Variants in PLCH1 observed in about 807,000 individuals in gnomAD.
The protein encoded by PLCH1 is phospholipase C eta 1.
PLCH1 carries 60 observed loss-of-function variants against 126.7 expected under a neutral mutation model. The observed-to-expected ratio is 0.47, with a 90% CI of 0.38 to 0.59. The LOEUF (loss-of-function observed/expected upper bound fraction) is 0.59. Among genes scored for constraint, PLCH1 ranks in the 20% least tolerant of loss-of-function variants. The pLI is 0.00. For synonymous variants in PLCH1, 719 were observed against 734.9 expected, an observed-to-expected ratio of 0.98 and a Z score of 0.35; for missense variants, 1,723 against 2,040.0, an observed-to-expected ratio of 0.84 and a Z score of 2.99.
In PLCH1 at chr3:155,485,490, C is replaced by A; in HGVS notation, c.2840G>T (p.Gly947Val). 1.9e-6 allele frequency: 3 copies of A among 1,614,180 alleles called. No homozygotes were observed. Among genetic ancestry groups the A allele is most frequent in the Non-Finnish European group, 2.5e-6 (3 of 1,180,018 alleles). Residue 947 changes from glycine to valine, a missense_variant, in exon 22 of 23, where the codon GGC becomes GTC. Physicochemically the swap from Gly to Val is moderately radical, Grantham distance 109 (BLOSUM62 -3). Around this residue, in one of 2 missense-constraint regions of PLCH1, gnomAD observed 947 missense variants for 977.1 expected, o/e 0.97. Transcript: ENST00000460012. The part of the protein sequence containing the change: ...SVSEATRDQD[G>V]VLRRTTRSLQ... ...ACTGCGTGTGGTCCTCCTCAGCACG[C>A]CATCTTGATCTCTTGTGGCCTCGGA...
At chr3:155,471,135 T>C (rs1389108131) in intron 21 of PLCH1, among the ~76,000 whole-genome samples, 1 of 152,086 alleles carries the variant, frequency 6.6e-6, no homozygotes, top group Admixed American at 6.5e-5. Flanking sequence ...GACTGGCAAA[T>C]TGGATAAACA....
chr3:155,617,131 G>A lies in PLCH1; in HGVS notation c.80-20753C>T, dbSNP rs144787862. On this transcript the variant is annotated intron_variant, in intron 2 of 22. Coordinates refer to ENST00000460012, the MANE Select transcript of PLCH1 (RefSeq NM_014996.4). ...TATCAGTAATAATTATTATCATTAT[G>A]TGCCACTGGCATAACCAAATTTACT... Among the ~76,000 whole-genome samples, 638 of 152,074 alleles carry A rather than the reference G, an allele frequency of 4.2e-3. 1 individual carries two copies. Among genetic ancestry groups the A allele is most frequent in the Admixed American group, 7.1e-3 (108 of 15,276 alleles).
intron 8 of PLCH1, among the ~76,000 whole-genome samples, chr3:155,561,164 G>A (rs1436900192): frequency 1.3e-5 from 2 of 150,124 alleles, no homozygotes; most frequent in African/African-American, 4.9e-5. Context: ...TAAGTTTTAG[G>A]GTACATGTGC....
downstream of PLCH1, among the ~76,000 whole-genome samples, chr3:155,476,455 C>T (rs1011988890): frequency 6.6e-6 from 1 of 151,816 alleles, no homozygotes; most frequent in Non-Finnish European, 1.5e-5. Flanking sequence ...AGCAATCAGA[C>T]AAGAGAAAGA....
chr3:155,568,413 T>G, intron 6 of PLCH1, 89 bp from the exon 7 acceptor site: 1 of 624,996 alleles, frequency 1.6e-6, no homozygotes, highest in East Asian at 2.9e-5. Context: ...TTTTGCATTC[T>G]TCACACCGTA....
intron 2 of PLCH1, among the ~76,000 whole-genome samples, chr3:155,682,205 A>C (rs576794274): frequency 3.9e-5 from 6 of 152,340 alleles, no homozygotes; most frequent in South Asian, 2.1e-4. Context: ...GTCAATGCAA[A>C]CTTTGAGTTA....
Position 155,664,497 on chromosome 3 carries a change from C to T in PLCH1, c.79+39649G>A, listed in dbSNP as rs562058623. On this transcript the variant is annotated intron_variant, in intron 2 of 22. Transcript: ENST00000460012. ...TTTTAGGCTGTGTGGTCCATACAGC[C>T]TCTGTGGCAATCACTTTTGCATGCA... is the stretch of plus-strand genomic sequence containing the variant. Among the ~76,000 whole-genome samples, 10 of 152,294 alleles carry T rather than the reference C, an allele frequency of 6.6e-5. No individual in the cohort carries two copies. In the South Asian group the frequency reaches 2.1e-3, roughly 32 times the overall value.
chr3:155,566,261 A>G (rs1728455805), intron 7 of PLCH1, among the ~76,000 whole-genome samples: 1 of 58,778 alleles, frequency 1.7e-5, no homozygotes, highest in African/African-American at 4.5e-5. Context: ...GTATATATAC[A>G]CATATATATA....
At chr3:155,674,367 T>G (rs1444625966) in intron 2 of PLCH1, among the ~76,000 whole-genome samples, 1 of 152,198 alleles carries the variant, frequency 6.6e-6, no homozygotes, top group Non-Finnish European at 1.5e-5. Context: ...CTCCAGTCAA[T>G]TGAAGCCACT....
At chr3:155,732,519 GAAA>G (rs765151340) in intron 1 of PLCH1, among the ~76,000 whole-genome samples, 1 of 132,056 alleles carries the variant, frequency 7.6e-6, no homozygotes, top group African/African-American at 2.8e-5. Flanking sequence ...ACCCAGTCTG[GAAA>G]AAAAAAAAAA....
chr3:155,464,855 A>C (rs1712869225), intron 21 of PLCH1, among the ~76,000 whole-genome samples: 1 of 152,200 alleles, frequency 6.6e-6, no homozygotes, highest in Admixed American at 6.5e-5. Context: ...TCATGCCTAT[A>C]ATCCCAGCAC....
intron 21 of PLCH1, among the ~76,000 whole-genome samples, chr3:155,470,754 A>C (rs2107982499): frequency 6.6e-6 from 1 of 152,160 alleles, no homozygotes; most frequent in East Asian, 1.9e-4. Flanking sequence ...AAGCCAGAAG[A>C]GAGTGGGGGC....
intron 10 of PLCH1, among the ~76,000 whole-genome samples, chr3:155,533,666 C>T (rs2108346486): frequency 6.6e-6 from 1 of 152,352 alleles, no homozygotes; most frequent in South Asian, 2.1e-4. Context: ...GGGAAAATGT[C>T]TACAGGACAT....
At chr3:155,703,535 GA>G (rs1221258989) in intron 2 of PLCH1, among the ~76,000 whole-genome samples, 2 of 152,212 alleles carry the variant, frequency 1.3e-5, no homozygotes. Flanking sequence ...AGTTTGCCAT[GA>G]AAATGACTAA....
At chr3:155,595,714 A>G (rs1732894820) in intron 3 of PLCH1, among the ~76,000 whole-genome samples, 1 of 150,142 alleles carries the variant, frequency 6.7e-6, no homozygotes, top group Non-Finnish European at 1.5e-5. Context: ...ACATCTATGT[A>G]TCTATCTATC....
chr3:155,594,198 G>T lies in PLCH1; in HGVS notation c.227-14C>A, dbSNP rs1176125806. The T allele has an allele frequency of 1.2e-6, 2 of 1,610,724 alleles. No homozygotes were observed. Among genetic ancestry groups the T allele is most frequent in the South Asian group, 1.1e-5 (1 of 90,862 alleles). ...AATCAATAAGTACTGTGAGGAAAAT[G>T]AGATACACACAGTTATACAGCAGGC... is the stretch of plus-strand genomic sequence containing the variant. On this transcript the variant is annotated splice_polypyrimidine_tract_variant and intron_variant, in intron 3 of 22. Transcript: ENST00000460012.
At chr3:155,695,839 G>A (rs533053695) in intron 2 of PLCH1, among the ~76,000 whole-genome samples, 1 of 152,324 alleles carries the variant, frequency 6.6e-6, no homozygotes, top group Admixed American at 6.5e-5. Flanking sequence ...GTTCGAAGTT[G>A]GCTAAGTGAA....
intron 2 of PLCH1, among the ~76,000 whole-genome samples, chr3:155,600,862 TA>T (rs1261269705): frequency 6.6e-6 from 1 of 152,250 alleles, no homozygotes; most frequent in East Asian, 1.9e-4. Flanking sequence ...CATAAATATT[TA>T]AAGAGCAGAA....
Position 155,604,989 on chromosome 3 carries a change from C to T in PLCH1, c.80-8611G>A, listed in dbSNP as rs181490460. Among the ~76,000 whole-genome samples, 456 of 152,284 alleles carry T rather than the reference C, an allele frequency of 3.0e-3. 2 individuals carry two copies. Among genetic ancestry groups the T allele is most frequent in the South Asian group, 0.02 (94 of 4,820 alleles). On this transcript the variant is annotated intron_variant, in intron 2 of 22. Transcript: ENST00000460012. ...TCTCTCTTTGCCATTCTGTCATGGA[C>T]GGCATTCCACTGGATAAAACGCAGG...
Sources: gnomAD v4.1 joint callset for allele counts (sites outside exome capture counted in the v4.1 genomes callset) on GRCh38, gnomAD v4.1.1 for gene constraint, gnomAD v4.1.1 regional missense constraint, MANE v1.5 for transcripts, NCBI Gene and HGNC (gene_info 2026-07-23, HGNC 2026-07-21) for gene names.